The following STXBP4 variants were observed in gnomAD, a reference collection of about 807,000 sequenced individuals.
STXBP4 encodes syntaxin-binding protein 4.
STXBP4 carries 55 observed loss-of-function variants against 76.1 expected under a neutral mutation model. The observed-to-expected ratio is 0.72, with a 90% confidence interval of 0.58 to 0.91. STXBP4 has a LOEUF of 0.91. STXBP4 is among the 40% of genes least tolerant of loss of function. The pLI is 0.00. For synonymous variants in STXBP4, 201 were observed against 220.2 expected (o/e 0.91, Z 0.77); for missense variants, 618 against 636.9 (o/e 0.97, Z 0.32).
the STXBP4 span, among the ~76,000 whole-genome samples, chr17:55,193,478 A>T: frequency 6.6e-6 from 1 of 152,248 alleles, no homozygotes; most frequent in South Asian, 2.1e-4. Context: ...TCTCACCAGG[A>T]TGTATGAAAA....
At chr17:55,043,638 C>G in intron 11 of STXBP4, 1 of 1,549,570 alleles carries the variant, frequency 6.5e-7, no homozygotes, top group Non-Finnish European at 8.7e-7. Context: ...AGATGAAGAG[C>G]CAATAAAGCA....
chr17:55,099,959 T>G (rs1475952630), intron 16 of STXBP4, among the ~76,000 whole-genome samples: 2 of 152,122 alleles, frequency 1.3e-5, no homozygotes, highest in African/African-American at 4.8e-5. Flanking sequence ...AGACAAAGTT[T>G]CCTGTACAGA....
At chr17:54,982,745 T>G (rs1342018011) in intron 1 of STXBP4, among the ~76,000 whole-genome samples, 7 of 152,076 alleles carry the variant, frequency 4.6e-5, no homozygotes, top group African/African-American at 1.7e-4. Context: ...AGGCATTTTA[T>G]GATATTTAAG....
intron 16 of STXBP4, among the ~76,000 whole-genome samples, chr17:55,120,808 A>T (rs1366673772): frequency 8.0e-6 from 1 of 125,084 alleles, no homozygotes; most frequent in East Asian, 2.0e-4. Flanking sequence ...TTCCTAGAAG[A>T]AAGAGTGTTT....
At chr17:54,972,084 C>T (rs1182209649) in intron 1 of STXBP4, among the ~76,000 whole-genome samples, 1 of 152,198 alleles carries the variant, frequency 6.6e-6, no homozygotes, top group African/African-American at 2.4e-5. Flanking sequence ...TCTTAGGCAT[C>T]ACATGATCTC....
chr17:55,029,734 G>A (rs989113570), intron 8 of STXBP4, among the ~76,000 whole-genome samples: 1 of 151,774 alleles, frequency 6.6e-6, no homozygotes, highest in Non-Finnish European at 1.5e-5. Context: ...GTTGCTTTGT[G>A]TATTAATATA....
chr17:54,978,276 A>G (rs1457876732), intron 1 of STXBP4, among the ~76,000 whole-genome samples: 2 of 152,166 alleles, frequency 1.3e-5, no homozygotes, highest in Non-Finnish European at 2.9e-5. Flanking sequence ...GCTCAAAGTC[A>G]TATGTCTAGT....
intron 13 of STXBP4, among the ~76,000 whole-genome samples, chr17:55,076,900 C>T (rs1475072310): frequency 2.0e-5 from 3 of 152,036 alleles, no homozygotes; most frequent in African/African-American, 7.2e-5. Flanking sequence ...TTCACCCATT[C>T]TCTTTATAAT....
At chr17:55,027,548 A>T (rs2078437430) in intron 8 of STXBP4, among the ~76,000 whole-genome samples, 1 of 152,206 alleles carries the variant, frequency 6.6e-6, no homozygotes, top group South Asian at 2.1e-4. Flanking sequence ...AACTACTTGT[A>T]TCCCAAAAGC....
intron 8 of STXBP4, among the ~76,000 whole-genome samples, chr17:55,010,027 G>A (rs1011981453): frequency 6.6e-6 from 1 of 151,856 alleles, no homozygotes; most frequent in African/African-American, 2.4e-5. Flanking sequence ...TAAGGCCAAT[G>A]TGATCAGGTA....
chr17:55,145,533 A>G (rs1463704698), intron 17 of STXBP4, among the ~76,000 whole-genome samples: 1 of 152,252 alleles, frequency 6.6e-6, no homozygotes, highest in African/African-American at 2.4e-5. Flanking sequence ...AAGAATGTCC[A>G]GATGAACATA....
At chr17:55,085,936 A>G (rs1366046287) in intron 16 of STXBP4, among the ~76,000 whole-genome samples, 1 of 152,210 alleles carries the variant, frequency 6.6e-6, no homozygotes, top group African/African-American at 2.4e-5. Flanking sequence ...AATGAAAATA[A>G]TCACTCGTAA....
chr17:54,999,915 G>A, intron 6 of STXBP4, 73 bp downstream of exon 6: 2 of 967,198 alleles, frequency 2.1e-6, no homozygotes, highest in African/African-American at 1.7e-5. Flanking sequence ...CATTGGTTAT[G>A]TACATATAGA....
chr17:55,143,748 G>A lies in STXBP4; in HGVS notation c.1547+2381G>A, dbSNP rs535811330. On this transcript the variant is annotated intron_variant, in intron 17 of 17. Transcript: ENST00000376352. ...TTATCCTAACCCCATTGCTTTGCTC[G>A]GAAAATATACCCCCAAAGGGTGTGT... 8.5e-5 allele frequency among the ~76,000 whole-genome samples: 13 copies of A among 152,170 alleles called. No individual in the cohort carries two copies. The East Asian group carries it at 2.1e-3, about 25-fold the overall frequency.
At chr17:54,982,465 C>A (rs1359200583) in intron 1 of STXBP4, among the ~76,000 whole-genome samples, 1 of 152,008 alleles carries the variant, frequency 6.6e-6, no homozygotes, top group Non-Finnish European at 1.5e-5. Context: ...TTTTTGCTGA[C>A]CTGTTTGCCT....
intron 1 of STXBP4, among the ~76,000 whole-genome samples, chr17:54,973,867 A>G (rs1047102752): frequency 1.3e-5 from 2 of 152,246 alleles, no homozygotes; most frequent in Non-Finnish European, 2.9e-5. Flanking sequence ...ATTCTTCAGC[A>G]ATAAACGTTA....
At chr17:55,055,751 C>T (rs1306083073) in intron 12 of STXBP4, among the ~76,000 whole-genome samples, 1 of 152,200 alleles carries the variant, frequency 6.6e-6, no homozygotes, top group Non-Finnish European at 1.5e-5. Context: ...CCCCTTTACT[C>T]ATTCTCCAGC....
the STXBP4 span, among the ~76,000 whole-genome samples, chr17:55,206,831 T>C: frequency 1.6e-5 from 2 of 126,832 alleles, no homozygotes; most frequent in Non-Finnish European, 3.1e-5. Flanking sequence ...CACTCCAGCC[T>C]AGGCAACAGA....
chr17:55,130,277 T>A (rs1029165004), intron 16 of STXBP4, among the ~76,000 whole-genome samples: 1 of 152,202 alleles, frequency 6.6e-6, no homozygotes, highest in African/African-American at 2.4e-5. Context: ...AACTTGGATC[T>A]AATGGGTGGG....
Sources: allele counts gnomAD v4.1 joint callset (sites outside exome capture counted in the v4.1 genomes callset), GRCh38; gene constraint gnomAD v4.1.1; transcripts MANE v1.5; gene names NCBI Gene and HGNC (gene_info 2026-07-23, HGNC 2026-07-21).